The following WNT7B variants were observed in gnomAD, a reference collection of about 807,000 sequenced individuals.
WNT7B encodes Wnt family member 7B.
A neutral mutation model predicts 38.2 loss-of-function variants in WNT7B; 19 were observed. The ratio of observed to expected loss-of-function variants is 0.50; its 90% confidence interval spans 0.35 to 0.73. The LOEUF is 0.73. WNT7B is among the 30% of genes least tolerant of loss of function. The pLI is 0.01. For synonymous variants in WNT7B, 243 were observed against 209.3 expected (o/e 1.16, Z -1.39); for missense variants, 423 against 507.9 (o/e 0.83, Z 1.61).
intron 2 of WNT7B, among the ~76,000 whole-genome samples, chr22:45,945,843 G>A (rs778699531): frequency 4.6e-5 from 7 of 152,216 alleles, no homozygotes; most frequent in Admixed American, 1.3e-4. Flanking sequence ...CGCAGAGCTC[G>A]CCCCCAAAGC....
chr22:45,959,374 C>T (rs886387010), intron 1 of WNT7B, among the ~76,000 whole-genome samples: 4 of 152,102 alleles, frequency 2.6e-5, no homozygotes, highest in Non-Finnish European at 4.4e-5. Flanking sequence ...CAGGGCCCTG[C>T]GTTTAAAACT....
chr22:45,965,367 G>C lies in WNT7B; in HGVS notation c.71+11317C>G, dbSNP rs1763877617. Reference sequence around the variant, plus strand: ...AGGGCGGTAGGGACTTTCCTTCCCAGTCACACCTGCACACCTGGCCAGCCC... The same window carrying C: ...AGGGCGGTAGGGACTTTCCTTCCCACTCACACCTGCACACCTGGCCAGCCC... On this transcript the variant is annotated intron_variant, in intron 1 of 3. Transcript: ENST00000339464. This position sits in a 1 kb window ranked among gnomAD's most constrained non-coding sequence, Gnocchi z 6.5. Among the ~76,000 whole-genome samples the C allele has an allele frequency of 6.6e-6, 1 of 152,158 alleles. No individual in the cohort carries two copies. The highest frequency in any genetic ancestry group is 1.5e-5 in the Non-Finnish European group (1 of 68,030).
chr22:45,931,034 G>C (rs916596024), intron 3 of WNT7B, 64 bp downstream of exon 3: 1 of 1,493,522 alleles, frequency 6.7e-7, no homozygotes, highest in East Asian at 2.3e-5. Context: ...CTGAGGCTCC[G>C]AGAGGTCAGC....
intron 3 of WNT7B, among the ~76,000 whole-genome samples, chr22:45,929,013 C>T (rs990467409): frequency 1.3e-5 from 2 of 152,078 alleles, no homozygotes; most frequent in African/African-American, 2.4e-5. Flanking sequence ...AGGTCTGCTG[C>T]TCACTCTGAG....
intron 1 of WNT7B, among the ~76,000 whole-genome samples, chr22:45,954,286 TGGGTATGGAATTTCCATCTG>T (rs1932008943): frequency 6.6e-6 from 1 of 152,156 alleles, no homozygotes; most frequent in South Asian, 2.1e-4. Context: ...GGCTGCCTAA[TGGGTATGGAATTTCCATCTG>T]GGGTGATGGA....
chr22:45,931,530 T>G (rs1372424749), intron 2 of WNT7B, among the ~76,000 whole-genome samples, 161 bp from the exon 3 acceptor site: 1 of 152,172 alleles, frequency 6.6e-6, no homozygotes, highest in Non-Finnish European at 1.5e-5. Context: ...AAAGCGGGGC[T>G]GATGGGAGCC....
chr22:45,964,459 G>A (rs1012430280), intron 1 of WNT7B, among the ~76,000 whole-genome samples: 1 of 152,182 alleles, frequency 6.6e-6, no homozygotes, highest in Non-Finnish European at 1.5e-5. Flanking sequence ...GCACACAGGA[G>A]GAGCCCCAGG....
chr22:45,935,816 C>G, intron 2 of WNT7B: 1 of 985,358 alleles, frequency 1.0e-6, no homozygotes, highest in Non-Finnish European at 1.2e-6. Context: ...GCAATAGGCC[C>G]ATGGCAGTGA....
At chr22:45,953,507 CTTAA>C (rs1186849643) in intron 1 of WNT7B, among the ~76,000 whole-genome samples, 1 of 152,174 alleles carries the variant, frequency 6.6e-6, no homozygotes, top group Non-Finnish European at 1.5e-5. Context: ...CAAGTCAGTA[CTTAA>C]GAACCACATC....
chr22:45,930,985 C>G, intron 3 of WNT7B, 113 bp downstream of exon 3: 1 of 1,404,052 alleles, frequency 7.1e-7, no homozygotes, highest in Non-Finnish European at 9.3e-7. Flanking sequence ...ACCCCCTGCA[C>G]ACCTACGGAG....
At chr22:45,971,222 G>A (rs1277863611) in intron 1 of WNT7B, among the ~76,000 whole-genome samples, 1 of 150,190 alleles carries the variant, frequency 6.7e-6, no homozygotes, top group Non-Finnish European at 1.5e-5. Flanking sequence ...GACCCCGGAC[G>A]TGGCCCGCGT....
chr22:45,931,709 G>A (rs981988749), intron 2 of WNT7B, among the ~76,000 whole-genome samples: 2 of 152,182 alleles, frequency 1.3e-5, no homozygotes, highest in Non-Finnish European at 2.9e-5. Flanking sequence ...GAGAGGCCCA[G>A]TTTCTCCAGC....
intron 2 of WNT7B, among the ~76,000 whole-genome samples, chr22:45,938,153 A>C (rs1390334064): frequency 1.3e-5 from 2 of 152,060 alleles, no homozygotes; most frequent in African/African-American, 4.8e-5. Flanking sequence ...AAAGAATGAA[A>C]CCCTGTCATC....
intron 2 of WNT7B, among the ~76,000 whole-genome samples, chr22:45,933,761 GTGTA>G (rs1164829920): frequency 6.6e-6 from 1 of 152,160 alleles, no homozygotes; most frequent in Non-Finnish European, 1.5e-5. Flanking sequence ...TGTGTGTGTG[GTGTA>G]TGTGTGGCTG....
In WNT7B at chr22:45,950,703, G is replaced by A. The variant is rs149949762; in HGVS notation, c.72-557C>T. Among the ~76,000 whole-genome samples the A allele has an allele frequency of 3.0e-3, 450 of 152,244 alleles. 16 individuals are homozygous for A. The highest frequency in any genetic ancestry group is 0.021 in the Admixed American group (320 of 15,298). ...GTGTAACTTTGAGAAGGCACTCCCC[G>A]TCTGAGCCTCAGTTTCCACACCCAT... On this transcript the variant is annotated intron_variant, in intron 1 of 3. Transcript: ENST00000339464.
At chr22:45,937,755 C>G (rs1931548001) in intron 2 of WNT7B, among the ~76,000 whole-genome samples, 1 of 152,214 alleles carries the variant, frequency 6.6e-6, no homozygotes, top group Admixed American at 6.5e-5. Context: ...GCCTATAATC[C>G]CAGCAGCACT....
chr22:45,966,340 C>T lies in WNT7B; in HGVS notation c.71+10344G>A, dbSNP rs959990198. On this transcript the variant is annotated intron_variant, in intron 1 of 3. Transcript: ENST00000339464. The surrounding 1 kb of genome is among the most constrained non-coding windows in gnomAD (Gnocchi z 4.2). ...TCTCAGCTCTGGATGCCTCCTCACCCTGGCCACGCCAATACCCACTGCGCG... is the reference window on the plus strand; with the variant it reads ...TCTCAGCTCTGGATGCCTCCTCACCTTGGCCACGCCAATACCCACTGCGCG... 6.6e-6 allele frequency among the ~76,000 whole-genome samples: 1 copy of T among 152,256 alleles called. No individual in the cohort carries two copies. Among genetic ancestry groups the T allele is most frequent in the East Asian group, 1.9e-4 (1 of 5,192 alleles).
intron 1 of WNT7B, among the ~76,000 whole-genome samples, chr22:45,967,025 G>A (rs529027477): frequency 1.4e-4 from 22 of 152,324 alleles, no homozygotes; most frequent in African/African-American, 5.3e-4. Flanking sequence ...GGACAAGAAC[G>A]CCCTGGGTGA....
chr22:45,941,820 C>T (rs1211675579), intron 2 of WNT7B, among the ~76,000 whole-genome samples: 1 of 152,254 alleles, frequency 6.6e-6, no homozygotes, highest in Non-Finnish European at 1.5e-5. Flanking sequence ...GCCTCAGCTT[C>T]CCATTACCAT....
Sources: gnomAD v4.1 joint callset for allele counts (sites outside exome capture counted in the v4.1 genomes callset) on GRCh38, gnomAD v4.1.1 for gene constraint, Gnocchi (gnomAD v3.1) non-coding constraint, MANE v1.5 for transcripts, NCBI Gene and HGNC (gene_info 2026-07-23, HGNC 2026-07-21) for gene names.